SDCCAG8: variants seen among roughly 807,000 people sequenced by gnomAD.
SDCCAG8 encodes SHH signaling and ciliogenesis regulator SDCCAG8.
A neutral mutation model predicts 101.8 loss-of-function variants in SDCCAG8; 74 were observed. The observed-to-expected ratio is 0.73, with a 90% CI of 0.60 to 0.88. The LOEUF is 0.88. SDCCAG8 is among the 40% of genes least tolerant of loss of function. The pLI, the probability that SDCCAG8 is intolerant of heterozygous loss-of-function variation, is 0.00. For missense variants in SDCCAG8, 787 were observed against 822.6 expected, an observed-to-expected ratio of 0.96 and a Z score of 0.53; for synonymous variants, 281 against 292.9, an observed-to-expected ratio of 0.96 and a Z score of 0.41.
At chr1:243,335,243 A>C (rs1343690879) in intron 10 of SDCCAG8, among the ~76,000 whole-genome samples, 1 of 152,196 alleles carries the variant, frequency 6.6e-6, no homozygotes, top group African/African-American at 2.4e-5. Flanking sequence ...TGAGCTTCCA[A>C]GAATAGATGG....
At chr1:243,436,890 G>T (rs1261554446) in intron 16 of SDCCAG8, among the ~76,000 whole-genome samples, 1 of 152,106 alleles carries the variant, frequency 6.6e-6, no homozygotes, top group Non-Finnish European at 1.5e-5. Flanking sequence ...TCTGTGGAAA[G>T]GTCTTTTCGC....
At chr1:243,410,520 A>T (rs1253922172) in intron 13 of SDCCAG8, among the ~76,000 whole-genome samples, 2 of 152,180 alleles carry the variant, frequency 1.3e-5, no homozygotes, top group Admixed American at 1.3e-4. Flanking sequence ...CTTTTAGCCA[A>T]AAGAGTTGTA....
intron 16 of SDCCAG8, among the ~76,000 whole-genome samples, chr1:243,481,815 C>A (rs951461353): frequency 1.3e-5 from 2 of 152,156 alleles, no homozygotes; most frequent in Non-Finnish European, 2.9e-5. Flanking sequence ...CCCAAAACAA[C>A]AACTAAAACC....
At chr1:243,417,199 C>T (rs1256475328) in intron 14 of SDCCAG8, among the ~76,000 whole-genome samples, 1 of 152,112 alleles carries the variant, frequency 6.6e-6, no homozygotes, top group Non-Finnish European at 1.5e-5. Context: ...AGTTTTTCCT[C>T]TAAAAACAAA....
intron 6 of SDCCAG8, among the ~76,000 whole-genome samples, chr1:243,303,302 A>T (rs2071724952): frequency 6.6e-6 from 1 of 152,262 alleles, no homozygotes; most frequent in African/African-American, 2.4e-5. Flanking sequence ...CCCTTCTATA[A>T]TATAGGCACT....
At chr1:243,497,960 G>A (rs145414659) in intron 17 of SDCCAG8, among the ~76,000 whole-genome samples, 11 of 152,302 alleles carry the variant, frequency 7.2e-5, no homozygotes, top group Non-Finnish European at 1.6e-4. Flanking sequence ...GGGATTACAG[G>A]TGTGAGCCAC....
rs114086744 is a variant in SDCCAG8, at chr1:243,458,776, A to G, written c.1986-30238A>G. ...AGAAGCGCTTCCTGTGATTCCAGTC[A>G]GATATGGCATTGTTTTATATTCCCA... On this transcript the variant is annotated intron_variant, in intron 16 of 17. Transcript: ENST00000366541. This position sits in a 1 kb window ranked among gnomAD's most constrained non-coding sequence, Gnocchi z 4.5. 3.7e-3 allele frequency among the ~76,000 whole-genome samples: 565 copies of G among 152,380 alleles called. 4 individuals are homozygous for G. Among genetic ancestry groups the G allele is most frequent in the African/African-American group, 0.013 (526 of 41,592 alleles).
chr1:243,303,576 C>T (rs6429421), intron 6 of SDCCAG8, among the ~76,000 whole-genome samples: 5,022 of 152,094 alleles, frequency 0.033, 265 homozygotes, highest in African/African-American at 0.11. Context: ...TATGAGGACC[C>T]GCTTCCATTT....
Position 243,474,024 on chromosome 1 carries a change from G to T in SDCCAG8, c.1986-14990G>T, listed in dbSNP as rs1193930252. Reference sequence around the variant, plus strand: ...GAAGCTTAATCACTAACATAGAAATGTAAACGGGTTGCAGTATTTCTTTGG... The same window carrying T: ...GAAGCTTAATCACTAACATAGAAATTTAAACGGGTTGCAGTATTTCTTTGG... On this transcript the variant is annotated intron_variant, in intron 16 of 17. Transcript: ENST00000366541. The surrounding 1 kb of genome is among the most constrained non-coding windows in gnomAD (Gnocchi z 4.7). 1.4e-5 allele frequency among the ~76,000 whole-genome samples: 2 copies of T among 145,024 alleles called. No individual in the cohort carries two copies. Among genetic ancestry groups the T allele is most frequent in the Admixed American group, 7.2e-5 (1 of 13,938 alleles).
At chr1:243,319,512 T>C (rs1271756556) in intron 9 of SDCCAG8, among the ~76,000 whole-genome samples, 1 of 152,070 alleles carries the variant, frequency 6.6e-6, no homozygotes, top group Non-Finnish European at 1.5e-5. Flanking sequence ...TAGCTGGGAT[T>C]ACAGGCATGC....
chr1:243,370,285 T>A (rs1188897856), intron 12 of SDCCAG8, among the ~76,000 whole-genome samples: 2 of 152,060 alleles, frequency 1.3e-5, no homozygotes, highest in Non-Finnish European at 2.9e-5. Flanking sequence ...CATGATAGGA[T>A]TAGGGGCAGA....
Position 243,262,325 on chromosome 1 carries a change from C to T in SDCCAG8, c.67+6085C>T, listed in dbSNP as rs1036781303. On this transcript the variant is annotated intron_variant, in intron 1 of 17. Transcript: ENST00000366541. ...TTCACCATGTTGCCCAGGCTGGTCT[C>T]GAACTCCTGGCCTCAAGTGATCCAC... Among the ~76,000 whole-genome samples the T allele has an allele frequency of 8.0e-5, 12 of 149,374 alleles. 2 individuals carry two copies. Among genetic ancestry groups the T allele is most frequent in the Admixed American group, 6.7e-4 (10 of 14,876 alleles).
chr1:243,464,286 T>C (rs1659707554), intron 16 of SDCCAG8, among the ~76,000 whole-genome samples: 1 of 152,216 alleles, frequency 6.6e-6, no homozygotes, highest in African/African-American at 2.4e-5. Flanking sequence ...CTAGTTGCTA[T>C]GTTATGAACC....
chr1:243,465,150 T>C (rs901416116), intron 16 of SDCCAG8, among the ~76,000 whole-genome samples: 2 of 152,356 alleles, frequency 1.3e-5, no homozygotes, highest in East Asian at 3.9e-4. Flanking sequence ...TACATGCTAG[T>C]CCATGGAAAA....
At chr1:243,426,960 G>T (rs1015201720) in intron 16 of SDCCAG8, among the ~76,000 whole-genome samples, 1 of 152,172 alleles carries the variant, frequency 6.6e-6, no homozygotes, top group African/African-American at 2.4e-5. Context: ...CTTATCAGAG[G>T]TTGCACTAAT....
intron 13 of SDCCAG8, among the ~76,000 whole-genome samples, chr1:243,391,101 G>A (rs944818407): frequency 2.0e-5 from 3 of 152,150 alleles, no homozygotes; most frequent in African/African-American, 7.2e-5. Flanking sequence ...GCCCGCCTTT[G>A]ATATTTAGTT....
chr1:243,267,080 T>C (rs2067672423), intron 1 of SDCCAG8, among the ~76,000 whole-genome samples: 1 of 151,628 alleles, frequency 6.6e-6, no homozygotes, highest in Non-Finnish European at 1.5e-5. Context: ...CTGTCTGTAC[T>C]AAAAGTACAA....
At chr1:243,432,432 C>T (rs1404238949) in intron 16 of SDCCAG8, among the ~76,000 whole-genome samples, 5 of 152,064 alleles carry the variant, frequency 3.3e-5, no homozygotes, top group Non-Finnish European at 4.4e-5. Context: ...AATGGGTACT[C>T]GGCTTAATAC....
At chr1:243,450,815 C>T (rs768649210) in intron 16 of SDCCAG8, among the ~76,000 whole-genome samples, 24 of 152,110 alleles carry the variant, frequency 1.6e-4, no homozygotes, top group Non-Finnish European at 3.1e-4. Context: ...TGCGCCACCA[C>T]GCCCGGCTAA....
Sources: gnomAD v4.1 joint callset for allele counts (sites outside exome capture counted in the v4.1 genomes callset) on GRCh38, gnomAD v4.1.1 for gene constraint, Gnocchi (gnomAD v3.1) non-coding constraint, MANE v1.5 for transcripts, NCBI Gene and HGNC (gene_info 2026-07-23, HGNC 2026-07-21) for gene names.